Variants in TMEM163 observed in about 807,000 individuals in gnomAD.
TMEM163 encodes the protein transmembrane protein 163.
A neutral mutation model predicts 29.3 loss-of-function variants in TMEM163; 17 were observed. The ratio of observed to expected loss-of-function variants is 0.58; its 90% confidence interval spans 0.40 to 0.87. TMEM163 has a LOEUF of 0.87. TMEM163 is among the 40% of genes least tolerant of loss of function. The probability of loss-of-function intolerance (pLI) is 0.00; values close to 1 mark genes in which losing one functional copy is unlikely to be tolerated. For missense variants in TMEM163, 303 were observed against 381.5 expected (o/e 0.79, Z 1.71); for synonymous variants, 157 against 160.6 (o/e 0.98, Z 0.17).
At chr2:134,503,913 T>C (rs1435921139) in intron 4 of TMEM163, among the ~76,000 whole-genome samples, 1 of 152,008 alleles carries the variant, frequency 6.6e-6, no homozygotes, top group Admixed American at 6.5e-5. Flanking sequence ...CATGAGGAAA[T>C]GATACCATTA....
At chr2:134,463,529 G>A (rs933997529) in intron 6 of TMEM163, among the ~76,000 whole-genome samples, 1 of 152,210 alleles carries the variant, frequency 6.6e-6, no homozygotes, top group African/African-American at 2.4e-5. Context: ...GACGCAAGCT[G>A]GCTATAATTC....
chr2:134,562,150 G>A (rs1372494111), intron 2 of TMEM163, among the ~76,000 whole-genome samples: 1 of 152,086 alleles, frequency 6.6e-6, no homozygotes, highest in Non-Finnish European at 1.5e-5. Flanking sequence ...TTTTACTTTG[G>A]CTTGGTGTCT....
chr2:134,714,427 C>T (rs376918372), intron 1 of TMEM163, among the ~76,000 whole-genome samples: 7 of 152,212 alleles, frequency 4.6e-5, no homozygotes, highest in East Asian at 1.9e-4. Flanking sequence ...ATCACACCTA[C>T]GCATCACATA....
Position 134,456,666 on chromosome 2 carries a change from C to T in TMEM163, c.*50G>A, listed in dbSNP as rs149299659. 1.2e-6 allele frequency: 2 copies of T among 1,600,188 alleles called. No homozygotes were observed. ...TCAGTTAAATATTGGCACCCTTTGC[C>T]TATGTGGAAACTCCTCATCTCGATG... On this transcript the variant is annotated 3_prime_UTR_variant, in exon 8 of 8. Coordinates refer to ENST00000281924, the MANE Select transcript of TMEM163 (RefSeq NM_030923.5).
chr2:134,572,273 CAA>C (rs1422869337), intron 2 of TMEM163, among the ~76,000 whole-genome samples: 1 of 152,204 alleles, frequency 6.6e-6, no homozygotes, highest in Non-Finnish European at 1.5e-5. Context: ...CTGTGTTTCC[CAA>C]AGTCTGTCCA....
chr2:134,619,951 A>G (rs1682693427), intron 2 of TMEM163, among the ~76,000 whole-genome samples: 1 of 152,246 alleles, frequency 6.6e-6, no homozygotes, highest in African/African-American at 2.4e-5. Flanking sequence ...CAAAAAGAAT[A>G]AAACACTTAG....
At chr2:134,478,705 TGG>T (rs1411168083) in intron 5 of TMEM163, among the ~76,000 whole-genome samples, 1 of 152,014 alleles carries the variant, frequency 6.6e-6, no homozygotes, top group Non-Finnish European at 1.5e-5. Context: ...CCTGGGCCCA[TGG>T]TAGGGAAGGA....
At chr2:134,701,003 C>T (rs574568586) in intron 2 of TMEM163, among the ~76,000 whole-genome samples, 94 of 148,792 alleles carry the variant, frequency 6.3e-4, no homozygotes, top group Non-Finnish European at 1.0e-3. Context: ...GAAGAGACCC[C>T]TCCAGAAAAC....
chr2:134,567,338 G>A (rs923878795), intron 2 of TMEM163, among the ~76,000 whole-genome samples: 2 of 152,146 alleles, frequency 1.3e-5, no homozygotes, highest in African/African-American at 4.8e-5. Flanking sequence ...CTACCTAGGT[G>A]TAGTCACCAC....
chr2:134,553,111 T>C (rs1454046320), intron 2 of TMEM163, among the ~76,000 whole-genome samples: 2 of 152,150 alleles, frequency 1.3e-5, no homozygotes, highest in Admixed American at 6.5e-5. Context: ...CAAGCATACA[T>C]GCACCTCCAA....
chr2:134,578,782 G>A (rs906947989), intron 2 of TMEM163, among the ~76,000 whole-genome samples: 1 of 152,168 alleles, frequency 6.6e-6, no homozygotes, highest in Middle Eastern at 3.4e-3. Flanking sequence ...GTGTGTGAGA[G>A]GCAGTGTGTG....
intron 1 of TMEM163, 120 bp from the exon 2 acceptor site, chr2:134,713,439 G>T: frequency 7.2e-7 from 1 of 1,397,522 alleles, no homozygotes; most frequent in Non-Finnish European, 1.0e-6. Flanking sequence ...GACGTGTTTT[G>T]TTTGGCCCAC....
intron 2 of TMEM163, among the ~76,000 whole-genome samples, chr2:134,584,162 G>A (rs1681758136): frequency 6.6e-6 from 1 of 152,194 alleles, no homozygotes; most frequent in South Asian, 2.1e-4. Flanking sequence ...TCCTTGCCCT[G>A]CTCCAGGATA....
intron 2 of TMEM163, among the ~76,000 whole-genome samples, chr2:134,616,220 T>C (rs1682606366): frequency 6.6e-6 from 1 of 152,306 alleles, no homozygotes; most frequent in Non-Finnish European, 1.5e-5. Flanking sequence ...CAACATCTGC[T>C]TATTATGAGA....
intron 2 of TMEM163, among the ~76,000 whole-genome samples, chr2:134,566,861 C>G (rs1253493609): frequency 6.6e-6 from 1 of 152,090 alleles, no homozygotes; most frequent in Non-Finnish European, 1.5e-5. Context: ...CACATGCATA[C>G]CATAAGATAT....
chr2:134,605,398 G>T (rs1682330958), intron 2 of TMEM163, among the ~76,000 whole-genome samples: 1 of 152,082 alleles, frequency 6.6e-6, no homozygotes, highest in Non-Finnish European at 1.5e-5. Context: ...GCCCCTCAAT[G>T]GGAGTAGTTA....
At chr2:134,568,079 T>C (rs1681336497) in intron 2 of TMEM163, among the ~76,000 whole-genome samples, 1 of 152,350 alleles carries the variant, frequency 6.6e-6, no homozygotes, top group Admixed American at 6.5e-5. Context: ...TAGAATAAGG[T>C]AATTTACTCA....
At chr2:134,705,603 G>T (rs538844853) in intron 2 of TMEM163, among the ~76,000 whole-genome samples, 1 of 152,128 alleles carries the variant, frequency 6.6e-6, no homozygotes, top group African/African-American at 2.4e-5. Flanking sequence ...TTCCTACCCC[G>T]GCTTCCTCTG....
chr2:134,606,807 G>T (rs1337045379), intron 2 of TMEM163, among the ~76,000 whole-genome samples: 5 of 152,340 alleles, frequency 3.3e-5, no homozygotes, highest in South Asian at 2.1e-4. Context: ...GGATTGATGG[G>T]GGCAGTGAGT....
Sources: gnomAD v4.1 joint callset for allele counts (sites outside exome capture counted in the v4.1 genomes callset) on GRCh38, gnomAD v4.1.1 for gene constraint, MANE v1.5 for transcripts, NCBI Gene and HGNC (gene_info 2026-07-23, HGNC 2026-07-21) for gene names.